Variants in STAU2 observed in about 807,000 individuals in gnomAD.
STAU2 encodes the protein double-stranded RNA-binding protein Staufen homolog 2.
A neutral mutation model predicts 65.9 loss-of-function variants in STAU2; 20 were observed. That is an observed-to-expected ratio of 0.30 (90% CI 0.21 to 0.44). The LOEUF (loss-of-function observed/expected upper bound fraction) is 0.44. Among genes scored for constraint, STAU2 ranks in the 20% least tolerant of loss-of-function variants. STAU2 has a pLI of 1.00. For missense variants in STAU2, 558 were observed against 683.9 expected, an observed-to-expected ratio of 0.82 and a Z score of 2.05; for synonymous variants, 232 against 233.9, an observed-to-expected ratio of 0.99 and a Z score of 0.07.
At chr8:73,642,306 T>C (rs1158455256) in intron 6 of STAU2, among the ~76,000 whole-genome samples, 3 of 152,042 alleles carry the variant, frequency 2.0e-5, no homozygotes, top group Non-Finnish European at 4.4e-5. Flanking sequence ...GGGTGGATCA[T>C]GAGGTCAGGA....
At chr8:73,613,109 C>T (rs761008220) in intron 9 of STAU2, among the ~76,000 whole-genome samples, 6 of 152,238 alleles carry the variant, frequency 3.9e-5, no homozygotes, top group Non-Finnish European at 7.3e-5. Flanking sequence ...AACAAAATAA[C>T]ACCATCTACT....
At chr8:73,544,168 A>C (rs1806742061) in intron 13 of STAU2, among the ~76,000 whole-genome samples, 1 of 152,208 alleles carries the variant, frequency 6.6e-6, no homozygotes, top group African/African-American at 2.4e-5. Flanking sequence ...TCCTCTCTGA[A>C]GTCAGCACAA....
At chr8:73,515,909 G>A (rs1822694909) in intron 13 of STAU2, among the ~76,000 whole-genome samples, 1 of 145,986 alleles carries the variant, frequency 6.8e-6, no homozygotes, top group Admixed American at 7.0e-5. Context: ...ACATTTAAGT[G>A]TGGGTCTTGA....
intron 13 of STAU2, among the ~76,000 whole-genome samples, chr8:73,529,970 G>C (rs1805702370): frequency 6.6e-6 from 1 of 152,108 alleles, no homozygotes; most frequent in Non-Finnish European, 1.5e-5. Context: ...TTATGTGGCA[G>C]CTTCCTGAAA....
At chr8:73,453,817 G>A (rs978223109) in intron 13 of STAU2, among the ~76,000 whole-genome samples, 1 of 152,024 alleles carries the variant, frequency 6.6e-6, no homozygotes, top group South Asian at 2.1e-4. Context: ...TACTGATCAG[G>A]CATGTATCTG....
In STAU2 at chr8:73,613,894, C is replaced by T. The variant is rs1563458656; in HGVS notation, c.741G>A (p.Glu247=). 1.9e-6 allele frequency: 3 copies of T among 1,613,652 alleles called. No homozygotes were observed. The highest frequency in any genetic ancestry group is 2.2e-5 in the East Asian group (1 of 44,878). The change falls in exon 9 of 15, where the codon GAG becomes GAA. Residue 247 remains glutamate, a synonymous_variant. Transcript: ENST00000524300. ...TATTTCCTTCTCCTTCTGCAGAGAA[C>T]TCTCCTACTGACACTCGAGTAACAA... ...KSFVTRVSVG[E]FSAEGEGNSK...
At chr8:73,477,409 A>G (rs1820377094) in intron 13 of STAU2, among the ~76,000 whole-genome samples, 1 of 152,228 alleles carries the variant, frequency 6.6e-6, no homozygotes, top group African/African-American at 2.4e-5. Flanking sequence ...GACAGAAAAC[A>G]TAAAACTTGT....
At chr8:73,514,867 T>C (rs1822618971) in intron 13 of STAU2, among the ~76,000 whole-genome samples, 1 of 152,236 alleles carries the variant, frequency 6.6e-6, no homozygotes, top group South Asian at 2.1e-4. Context: ...ACTTCTCATA[T>C]AACCCTTGCC....
chr8:73,617,521 T>C (rs1812915804), intron 6 of STAU2, 70 bp from the exon 7 acceptor site: 1 of 1,417,586 alleles, frequency 7.1e-7, no homozygotes, highest in Non-Finnish European at 9.7e-7. Flanking sequence ...ATAAGATTTG[T>C]TTAAAATGAT....
rs187176504 is a variant in STAU2 at position 73,480,804 on chromosome 8, G to A, written c.1531-58102C>T. On this transcript the variant is annotated intron_variant, in intron 13 of 14. Transcript: ENST00000524300. ...AGGGAGGCTGAGCAATCTGACTTAC[G>A]CATGAAGAAAATGAAGCAGTTACTT... is the stretch of plus-strand genomic sequence containing the variant. Among the ~76,000 whole-genome samples, 11 of 152,198 alleles carry A rather than the reference G, an allele frequency of 7.2e-5. No homozygotes were observed. In the East Asian group the frequency reaches 1.7e-3, roughly 24 times the overall value.
In STAU2 at chr8:73,678,323, C is replaced by A. The variant is rs560578861; in HGVS notation, c.275-5081G>T. 1.8e-4 allele frequency among the ~76,000 whole-genome samples: 27 copies of A among 152,264 alleles called. 1 individual carries two copies. The highest frequency in any genetic ancestry group is 6.8e-3 in the Middle Eastern group (2 of 294). The stretch of plus-strand genomic sequence containing the variant: ...CTCACTAACTACATCTCCAGTCTTA[C>A]CTCCTACTAGTCATTTACCTGCTCT... On this transcript the variant is annotated intron_variant, in intron 5 of 14. Coordinates refer to ENST00000524300, the MANE Select transcript of STAU2 (RefSeq NM_001164380.2).
At chr8:73,729,849 A>G (rs1038790144) in intron 3 of STAU2, among the ~76,000 whole-genome samples, 5 of 152,104 alleles carry the variant, frequency 3.3e-5, no homozygotes, top group Non-Finnish European at 7.4e-5. Flanking sequence ...TATTCTCTTT[A>G]ATCCTTTTTG....
At chr8:73,730,492 C>T (rs567782701) in intron 3 of STAU2, among the ~76,000 whole-genome samples, 6 of 151,928 alleles carry the variant, frequency 3.9e-5, no homozygotes, top group African/African-American at 1.5e-4. Flanking sequence ...TTTGGGAGGC[C>T]GAGGAGGGTG....
chr8:73,706,536 A>C (rs1820516593), intron 4 of STAU2, among the ~76,000 whole-genome samples: 1 of 152,222 alleles, frequency 6.6e-6, no homozygotes, highest in Admixed American at 6.5e-5. Flanking sequence ...ACATGAATGA[A>C]AATGATTTTG....
chr8:73,582,843 A>C lies in STAU2; in HGVS notation c.1162-13T>G. The C allele has an allele frequency of 6.2e-7, 1 of 1,607,940 alleles. No individual in the cohort carries two copies. ...TGTTTTCCCCTGTCTGAAAGATTAA[A>C]TCAATCGTTCAAATCCAGAGAAACA... On this transcript the variant is annotated splice_polypyrimidine_tract_variant and intron_variant, in intron 11 of 14. Coordinates refer to ENST00000524300, the MANE Select transcript of STAU2 (RefSeq NM_001164380.2).
chr8:73,692,357 C>T (rs1375811759), intron 4 of STAU2, among the ~76,000 whole-genome samples: 9 of 152,036 alleles, frequency 5.9e-5, no homozygotes, highest in Admixed American at 5.9e-4. Context: ...GCCACCATGC[C>T]GGGCTAATTT....
chr8:73,579,211 CA>C (rs1809809884), intron 12 of STAU2, among the ~76,000 whole-genome samples: 1 of 152,112 alleles, frequency 6.6e-6, no homozygotes, highest in South Asian at 2.1e-4. Context: ...TATCTCATTC[CA>C]CAAGTATTTG....
At chr8:73,687,940 T>C (rs1460071181) in intron 5 of STAU2, among the ~76,000 whole-genome samples, 1 of 151,670 alleles carries the variant, frequency 6.6e-6, no homozygotes. Context: ...GGTCTCAATC[T>C]CCTGACCTCG....
chr8:73,631,819 T>C, intron 6 of STAU2, among the ~76,000 whole-genome samples: 1 of 151,974 alleles, frequency 6.6e-6, no homozygotes, highest in East Asian at 1.9e-4. Context: ...AAACTCAAAC[T>C]GAGAAAAGCA....
Sources: gnomAD v4.1 joint callset for allele counts (sites outside exome capture counted in the v4.1 genomes callset) on GRCh38, gnomAD v4.1.1 for gene constraint, MANE v1.5 for transcripts, NCBI Gene and HGNC (gene_info 2026-07-23, HGNC 2026-07-21) for gene names.